Variants in CNTLN observed in about 807,000 individuals in gnomAD.
CNTLN encodes the protein centlein.
In CNTLN, 212 loss-of-function variants were observed where a neutral mutation model predicts 180.0. The ratio of observed to expected loss-of-function variants is 1.18; its 90% CI spans 1.05 to 1.32. The LOEUF (loss-of-function observed/expected upper bound fraction) is 1.32. Ranked by LOEUF, CNTLN falls within the 40% of genes most tolerant of loss-of-function variation. The pLI is 0.00. For missense variants in CNTLN, 2,095 were observed against 1,610.9 expected, an observed-to-expected ratio of 1.30 and a Z score of -5.14; for synonymous variants, 722 against 563.1, an observed-to-expected ratio of 1.28 and a Z score of -3.99.
chr9:17,145,315 C>T (rs1427232850), intron 2 of CNTLN, among the ~76,000 whole-genome samples: 5 of 152,108 alleles, frequency 3.3e-5, no homozygotes, highest in Non-Finnish European at 4.4e-5. Context: ...AAATTGGAAA[C>T]GATAAGTGGC....
intron 18 of CNTLN, among the ~76,000 whole-genome samples, chr9:17,440,421 CAA>C (rs528636729): frequency 5.2e-4 from 39 of 75,638 alleles, no homozygotes; most frequent in African/African-American, 1.2e-3. Flanking sequence ...AAATAAAATA[CAA>C]AAAAAAAAAA....
chr9:17,259,584 G>A (rs1404517670), intron 5 of CNTLN, among the ~76,000 whole-genome samples: 25 of 150,484 alleles, frequency 1.7e-4, no homozygotes, highest in South Asian at 6.3e-4. Context: ...GGTAGAATTC[G>A]GCTGTGAATC....
chr9:17,516,849 CTT>C, the CNTLN span, among the ~76,000 whole-genome samples: 1 of 152,152 alleles, frequency 6.6e-6, no homozygotes, highest in African/African-American at 2.4e-5. Context: ...GATTTTGTCT[CTT>C]TGTTTTGTTG....
chr9:17,140,585 C>T (rs941762762), intron 1 of CNTLN, among the ~76,000 whole-genome samples: 3 of 152,044 alleles, frequency 2.0e-5, no homozygotes, highest in African/African-American at 7.2e-5. Flanking sequence ...GAACTACAGG[C>T]GTATTCCACT....
At chr9:17,311,477 G>C (rs1312008216) in intron 8 of CNTLN, among the ~76,000 whole-genome samples, 2 of 140,526 alleles carry the variant, frequency 1.4e-5, no homozygotes, top group Non-Finnish European at 3.1e-5. Flanking sequence ...TAAGGCAGAA[G>C]ATCCCAATCA....
intron 18 of CNTLN, among the ~76,000 whole-genome samples, chr9:17,435,765 G>A (rs1276284203): frequency 2.0e-5 from 3 of 152,086 alleles, no homozygotes; most frequent in African/African-American, 4.8e-5. Context: ...GTTTCACCAC[G>A]TTGGCCAGGC....
At chr9:17,348,210 T>C (rs75420629) in intron 12 of CNTLN, among the ~76,000 whole-genome samples, 3,976 of 151,892 alleles carry the variant, frequency 0.026, 62 homozygotes, top group Middle Eastern at 0.11. Flanking sequence ...ATTCAAAATT[T>C]GAAGTACGTT....
intron 18 of CNTLN, among the ~76,000 whole-genome samples, chr9:17,455,967 T>C (rs77753998): frequency 0.026 from 3,969 of 152,228 alleles, 214 homozygotes; most frequent in East Asian, 0.25. Context: ...AGGGAATAAC[T>C]GGTCAGTGTA....
chr9:17,435,655 C>T (rs936991030), intron 18 of CNTLN, among the ~76,000 whole-genome samples: 1 of 151,754 alleles, frequency 6.6e-6, no homozygotes, highest in African/African-American at 2.4e-5. Context: ...CTGTCCACCC[C>T]GGATTCAAGA....
At chr9:17,303,551 CT>C (rs59229528) in intron 7 of CNTLN, among the ~76,000 whole-genome samples, 29,961 of 150,668 alleles carry the variant, frequency 0.2, 3,615 homozygotes, top group African/African-American at 0.34. Context: ...TTTACTAACG[CT>C]TTTTTTTTCT....
intron 5 of CNTLN, among the ~76,000 whole-genome samples, chr9:17,270,261 A>G (rs1298026585): frequency 6.6e-6 from 1 of 152,090 alleles, no homozygotes; most frequent in Non-Finnish European, 1.5e-5. Flanking sequence ...TGGCATTCAT[A>G]TTACTAAAGT....
intron 8 of CNTLN, among the ~76,000 whole-genome samples, chr9:17,319,903 T>C (rs1172226722): frequency 2.0e-5 from 3 of 152,204 alleles, no homozygotes; most frequent in African/African-American, 7.2e-5. Context: ...GCAAAGCTAA[T>C]TGGTTCATAG....
intron 12 of CNTLN, among the ~76,000 whole-genome samples, chr9:17,347,936 ATTC>A (rs1416199837): frequency 6.6e-6 from 1 of 151,984 alleles, no homozygotes; most frequent in African/African-American, 2.4e-5. Flanking sequence ...GGTTCAAGGT[ATTC>A]TTCTGCCTCA....
intron 5 of CNTLN, among the ~76,000 whole-genome samples, chr9:17,250,710 T>A (rs1043326835): frequency 6.6e-6 from 1 of 151,948 alleles, no homozygotes; most frequent in African/African-American, 2.4e-5. Context: ...TTATACACTA[T>A]TTATGTAGTT....
At chr9:17,149,901 C>G (rs1466645424) in intron 2 of CNTLN, among the ~76,000 whole-genome samples, 2 of 152,098 alleles carry the variant, frequency 1.3e-5, no homozygotes, top group African/African-American at 4.8e-5. Context: ...TCTCTAATGA[C>G]CAGTGATGAT....
At chr9:17,312,369 T>TATATTATATATATATATATATATA (rs1819234778) in intron 8 of CNTLN, among the ~76,000 whole-genome samples, 54 of 34,338 alleles carry the variant, frequency 1.6e-3, no homozygotes, top group African/African-American at 3.9e-3. Flanking sequence ...ATATATTATA[T>TATATTATATATATATATATATATA]ATATATATAT....
chr9:17,506,110 C>T (rs1481511996), downstream of CNTLN, among the ~76,000 whole-genome samples: 1 of 151,796 alleles, frequency 6.6e-6, no homozygotes, highest in African/African-American at 2.4e-5. Context: ...ACCTAAACCT[C>T]ACACATCACA....
chr9:17,174,667 G>T (rs926164551), intron 2 of CNTLN, among the ~76,000 whole-genome samples: 5 of 149,848 alleles, frequency 3.3e-5, no homozygotes, highest in African/African-American at 1.0e-4. Context: ...CTGCACTCCA[G>T]CCTGGGCAAC....
chr9:17,278,125 C>T (rs1231362143), intron 6 of CNTLN, among the ~76,000 whole-genome samples: 16 of 152,044 alleles, frequency 1.1e-4, no homozygotes, highest in Non-Finnish European at 2.4e-4. Context: ...ATCCGGACCT[C>T]TTTCTCCTTT....
Sources: allele counts gnomAD v4.1 joint callset (sites outside exome capture counted in the v4.1 genomes callset), GRCh38; gene constraint gnomAD v4.1.1; transcripts MANE v1.5; gene names NCBI Gene and HGNC (gene_info 2026-07-23, HGNC 2026-07-21).